Variants in SMOC2 observed in about 807,000 individuals in gnomAD.
SMOC2 encodes the protein SPARC related modular calcium binding 2, also known as SPARC-related modular calcium-binding protein 2.
A neutral mutation model predicts 61.4 loss-of-function variants in SMOC2; 39 were observed. The ratio of observed to expected loss-of-function variants is 0.64; its 90% CI spans 0.49 to 0.83. SMOC2 has a LOEUF of 0.83. Ranked by LOEUF, SMOC2 falls within the 40% of genes least tolerant of loss-of-function variation. The probability of loss-of-function intolerance (pLI) is 0.00; values close to 1 mark genes in which losing one functional copy is unlikely to be tolerated. For missense variants in SMOC2, 556 were observed against 592.9 expected (o/e 0.94, Z 0.65); for synonymous variants, 247 against 239.9 (o/e 1.03, Z -0.27).
chr6:168,458,724 G>A (rs1027485991), intron 1 of SMOC2, among the ~76,000 whole-genome samples: 5 of 152,102 alleles, frequency 3.3e-5, no homozygotes, highest in African/African-American at 1.2e-4. Flanking sequence ...CTGCCCTCCA[G>A]TTGTGTTTGT....
intron 1 of SMOC2, among the ~76,000 whole-genome samples, chr6:168,467,888 A>T (rs1174635607): frequency 6.6e-6 from 1 of 152,192 alleles, no homozygotes; most frequent in Non-Finnish European, 1.5e-5. Context: ...ATTTTTTAAA[A>T]TTTAATGTAT....
rs563197452 is a variant in SMOC2 at position 168,526,331 on chromosome 6, T to C, written c.257-15T>C. The C allele has an allele frequency of 2.5e-6, 4 of 1,607,962 alleles. No individual in the cohort carries two copies. The highest frequency in any genetic ancestry group is 3.4e-6 in the Non-Finnish European group (4 of 1,174,348). ...CCATTGCATAACCACACCTCTGCCC[T>C]GTTCTTCCCTACAGACGTGTCCAGG... On this transcript the variant is annotated splice_polypyrimidine_tract_variant and intron_variant, in intron 2 of 12. Transcript: ENST00000356284.
intron 2 of SMOC2, among the ~76,000 whole-genome samples, chr6:168,511,753 C>T (rs1268118100): frequency 6.6e-6 from 1 of 151,560 alleles, no homozygotes; most frequent in Non-Finnish European, 1.5e-5. Flanking sequence ...AAAGGCCAGA[C>T]TCCTGTCCAC....
rs1206093119 is a variant in SMOC2 at position 168,538,645 on chromosome 6, T to C, written c.464-4980T>C. Among the ~76,000 whole-genome samples the C allele has an allele frequency of 1.0e-4, 9 of 85,840 alleles. No homozygotes were observed. In the East Asian group the frequency reaches 2.8e-3, roughly 26 times the overall value. 56.3% of individuals were successfully genotyped at this position (85,840 alleles called of 152,430 possible). A position where few individuals can be genotyped will look rare whatever the true frequency, so the allele number is the denominator to read the frequency against. On this transcript the variant is annotated intron_variant, in intron 4 of 12. Transcript: ENST00000356284. The stretch of plus-strand genomic sequence containing the variant: ...GGGAGTGGGGTGACCGCTGCTGGAA[T>C]GTGGGGGAGTGGGGTGACCGCTGCT...
chr6:168,638,701 G>A (rs556017312), intron 9 of SMOC2, among the ~76,000 whole-genome samples: 7 of 152,288 alleles, frequency 4.6e-5, no homozygotes, highest in African/African-American at 7.2e-5. Flanking sequence ...AAGGTGCCCC[G>A]GGCTGGGGGC....
intron 6 of SMOC2, among the ~76,000 whole-genome samples, chr6:168,548,662 C>A (rs925590543): frequency 3.3e-5 from 5 of 152,166 alleles, no homozygotes; most frequent in African/African-American, 1.2e-4. Flanking sequence ...CCACCATGCC[C>A]GGCCCATTCA....
chr6:168,534,197 T>C (rs900881128), intron 4 of SMOC2, among the ~76,000 whole-genome samples: 68 of 152,362 alleles, frequency 4.5e-4, no homozygotes, highest in African/African-American at 1.6e-3. Context: ...CCTTTTATAG[T>C]ATCGAGGACA....
chr6:168,612,799 A>G (rs1583159767), intron 9 of SMOC2, among the ~76,000 whole-genome samples: 1 of 151,632 alleles, frequency 6.6e-6, no homozygotes, highest in Non-Finnish European at 1.5e-5. Context: ...GATGCAGGCG[A>G]AAGACAGAGG....
chr6:168,511,587 G>T (rs969968700), intron 2 of SMOC2, among the ~76,000 whole-genome samples: 3 of 152,172 alleles, frequency 2.0e-5, no homozygotes, highest in Non-Finnish European at 2.9e-5. Flanking sequence ...TTCTCAGAGT[G>T]CATCCCTGTC....
At chr6:168,643,344 C>G (rs985108122) in intron 9 of SMOC2, among the ~76,000 whole-genome samples, 1 of 152,174 alleles carries the variant, frequency 6.6e-6, no homozygotes, top group African/African-American at 2.4e-5. Flanking sequence ...CTCATAAGAC[C>G]TCCTGGGTTT....
At chr6:168,518,074 G>A (rs1036547295) in intron 2 of SMOC2, among the ~76,000 whole-genome samples, 1 of 152,224 alleles carries the variant, frequency 6.6e-6, no homozygotes, top group Admixed American at 6.5e-5. Flanking sequence ...CCTAGAAACA[G>A]GCCAGAGAGC....
intron 7 of SMOC2, among the ~76,000 whole-genome samples, chr6:168,581,939 A>AC (rs1034493760): frequency 1.3e-5 from 2 of 151,526 alleles, no homozygotes; most frequent in Non-Finnish European, 2.9e-5. Flanking sequence ...GCCTTCTCTG[A>AC]CCCCCCTTTC....
intron 9 of SMOC2, among the ~76,000 whole-genome samples, chr6:168,636,653 T>A (rs1786729159): frequency 6.6e-6 from 1 of 152,358 alleles, no homozygotes; most frequent in African/African-American, 2.4e-5. Context: ...TCAAAGCTGC[T>A]GCTGGGCTAC....
chr6:168,636,185 A>G (rs945119494), intron 9 of SMOC2, among the ~76,000 whole-genome samples: 1 of 152,190 alleles, frequency 6.6e-6, no homozygotes, highest in African/African-American at 2.4e-5. Context: ...AGTGGTTCTA[A>G]TGCAGGTGTC....
intron 4 of SMOC2, among the ~76,000 whole-genome samples, chr6:168,540,311 T>C (rs1783849817): frequency 6.6e-6 from 1 of 152,184 alleles, no homozygotes; most frequent in Non-Finnish European, 1.5e-5. Context: ...GATGGCTTGG[T>C]CTGAGTGGGG....
At position 168,520,031 on chromosome 6, in the gene SMOC2, T is replaced by C. The variant is rs530567427; in HGVS notation, c.257-6315T>C. On this transcript the variant is annotated intron_variant, in intron 2 of 12. Coordinates refer to ENST00000356284, the MANE Select transcript of SMOC2 (RefSeq NM_001166412.2). The stretch of plus-strand genomic sequence containing the variant: ...GTTCCTGTCTCCCTTAGCTCTGAAA[T>C]GGTGTCGTTCTGGTCATGGTTGAGG... 8.5e-5 allele frequency among the ~76,000 whole-genome samples: 13 copies of C among 152,260 alleles called. 1 individual carries two copies. The highest frequency in any genetic ancestry group is 7.7e-4 in the East Asian group (4 of 5,170).
intron 7 of SMOC2, among the ~76,000 whole-genome samples, chr6:168,559,549 C>T (rs1365263309): frequency 3.3e-5 from 5 of 152,146 alleles, no homozygotes; most frequent in Admixed American, 6.6e-5. Flanking sequence ...CCATGGTCTT[C>T]CCATCAGTTA....
At chr6:168,548,745 A>G (rs888851601) in intron 6 of SMOC2, among the ~76,000 whole-genome samples, 1 of 152,176 alleles carries the variant, frequency 6.6e-6, no homozygotes, top group East Asian at 1.9e-4. Context: ...TATACTTCAC[A>G]TATTGCATTT....
At chr6:168,518,696 G>A (rs13220118) in intron 2 of SMOC2, among the ~76,000 whole-genome samples, 85,331 of 149,632 alleles carry the variant, frequency 0.57, 27,293 homozygotes, top group Non-Finnish European at 0.72. Context: ...ATGTGTATGA[G>A]CGTGCATGTG....
Sources: allele counts gnomAD v4.1 joint callset (sites outside exome capture counted in the v4.1 genomes callset), GRCh38; gene constraint gnomAD v4.1.1; transcripts MANE v1.5; gene names NCBI Gene and HGNC (gene_info 2026-07-23, HGNC 2026-07-21).